RNF144A: variants seen among roughly 807,000 people sequenced by gnomAD.
The protein encoded by RNF144A is E3 ubiquitin-protein ligase RNF144A.
In RNF144A, 11 loss-of-function variants were observed where a neutral mutation model predicts 38.7. The ratio of observed to expected loss-of-function variants is 0.28; its 90% CI spans 0.18 to 0.47. The LOEUF is 0.47. Ranked by LOEUF, RNF144A falls within the 20% of genes least tolerant of loss-of-function variation. RNF144A has a pLI of 0.99. For synonymous variants in RNF144A, 149 were observed against 143.9 expected, an observed-to-expected ratio of 1.04 and a Z score of -0.25; for missense variants, 316 against 377.2, an observed-to-expected ratio of 0.84 and a Z score of 1.34.
At position 6,952,179 on chromosome 2, in the gene RNF144A, GT is replaced by G. The variant is rs758647251; in HGVS notation, c.-12+11039del. ...TTAAGAGGACCATATGGTTCTCACT[GT>G]TTTTTTATGTTCTGTTACGCTTACA... On this transcript the variant is annotated intron_variant, in intron 2 of 8. Coordinates refer to ENST00000320892, the MANE Select transcript of RNF144A (RefSeq NM_014746.6). 3.9e-5 allele frequency among the ~76,000 whole-genome samples: 6 copies of G among 151,996 alleles called. No individual in the cohort carries two copies. In the East Asian group the frequency reaches 9.6e-4, roughly 24 times the overall value.
rs1228010713 is a variant in RNF144A at position 7,030,185 on chromosome 2, C to T, written c.717C>T (p.Ser239=). 4 of 1,613,640 alleles carry T rather than the reference C, an allele frequency of 2.5e-6. No homozygotes were observed. The highest frequency in any genetic ancestry group is 3.4e-6 in the Non-Finnish European group (4 of 1,179,786). The stretch of plus-strand genomic sequence containing the variant: ...CCTGCCGGAACAAGCTGGGCCACTC[C>T]CGGGCATCTGTGATCTGGCATCGGA... ...KGPCRNKLGH[S]RASVIWHRTQ... is the part of the protein sequence containing the mutation. The change falls in exon 8 of 9, where the codon TCC becomes TCT. Residue 239 remains serine, a synonymous_variant. Coordinates refer to ENST00000320892, the MANE Select transcript of RNF144A (RefSeq NM_014746.6).
chr2:7,011,301 A>G (rs1210737222), intron 3 of RNF144A, among the ~76,000 whole-genome samples: 1 of 152,182 alleles, frequency 6.6e-6, no homozygotes, highest in African/African-American at 2.4e-5. Flanking sequence ...CTTACTAACA[A>G]TCCCTGATAT....
At chr2:6,970,341 C>G (rs1325534264) in intron 2 of RNF144A, among the ~76,000 whole-genome samples, 1 of 152,192 alleles carries the variant, frequency 6.6e-6, no homozygotes, top group East Asian at 1.9e-4. Context: ...CACAAGCCCT[C>G]TCTCTCTTTG....
At chr2:6,979,719 G>T (rs1262936004) in intron 2 of RNF144A, among the ~76,000 whole-genome samples, 2 of 152,170 alleles carry the variant, frequency 1.3e-5, no homozygotes, top group Non-Finnish European at 2.9e-5. Flanking sequence ...GAGAGACTTA[G>T]GTTTAAGTTC....
At chr2:7,031,632 C>T (rs1672307111) in intron 8 of RNF144A, among the ~76,000 whole-genome samples, 1 of 152,250 alleles carries the variant, frequency 6.6e-6, no homozygotes, top group Admixed American at 6.5e-5. Context: ...CTCTGAGGCA[C>T]ATGTGTCAGC....
chr2:6,996,868 G>A, intron 2 of RNF144A, 48 bp from the exon 3 acceptor site: 1 of 1,591,286 alleles, frequency 6.3e-7, no homozygotes, highest in Non-Finnish European at 8.6e-7. Context: ...GGAGCAGGTG[G>A]ATGCCAGGGG....
chr2:7,072,970 T>TCC (rs2103487143), downstream of RNF144A, among the ~76,000 whole-genome samples: 1 of 152,298 alleles, frequency 6.6e-6, no homozygotes, highest in African/African-American at 2.4e-5. Context: ...CCTCATGGCT[T>TCC]CCTGTCCTTC....
At chr2:6,960,098 G>A (rs898298855) in intron 2 of RNF144A, among the ~76,000 whole-genome samples, 2 of 152,344 alleles carry the variant, frequency 1.3e-5, no homozygotes, top group African/African-American at 2.4e-5. Context: ...GTATCCAGGA[G>A]GATATTTCAT....
At chr2:7,024,554 CT>C in intron 7 of RNF144A, 38 bp downstream of exon 7, 1 of 1,576,038 alleles carries the variant, frequency 6.3e-7, no homozygotes, top group South Asian at 1.1e-5. Flanking sequence ...CGGCATTTAG[CT>C]TTGAGGTTTA....
At chr2:6,970,358 G>A (rs1401055592) in intron 2 of RNF144A, among the ~76,000 whole-genome samples, 1 of 152,144 alleles carries the variant, frequency 6.6e-6, no homozygotes, top group Non-Finnish European at 1.5e-5. Flanking sequence ...TTTGCCTGCT[G>A]CCATCCACGT....
At chr2:7,027,500 G>A (rs780746121) in intron 7 of RNF144A, among the ~76,000 whole-genome samples, 8 of 152,340 alleles carry the variant, frequency 5.3e-5, no homozygotes, top group Non-Finnish European at 8.8e-5. Flanking sequence ...TAGTGAGGAA[G>A]GGAATCAGCC....
chr2:7,027,967 G>T (rs1422222280), intron 7 of RNF144A, among the ~76,000 whole-genome samples: 1 of 136,038 alleles, frequency 7.4e-6, no homozygotes, highest in East Asian at 2.6e-4. Context: ...ATGCGGGTCT[G>T]GTGAGATGAG....
intron 2 of RNF144A, among the ~76,000 whole-genome samples, chr2:6,985,855 T>C (rs1221214481): frequency 1.3e-5 from 2 of 152,132 alleles, no homozygotes; most frequent in African/African-American, 4.8e-5. Context: ...TTTGTATTTT[T>C]AGTAGAGGCG....
At chr2:6,964,794 G>A (rs1411412745) in intron 2 of RNF144A, among the ~76,000 whole-genome samples, 2 of 151,588 alleles carry the variant, frequency 1.3e-5, no homozygotes, top group East Asian at 3.9e-4. Context: ...CACAGGAAGG[G>A]GAACATCACA....
At chr2:7,046,195 T>G (rs1460081314), downstream of RNF144A, among the ~76,000 whole-genome samples, 1 of 152,178 alleles carries the variant, frequency 6.6e-6, no homozygotes, top group Non-Finnish European at 1.5e-5. Context: ...TGTCCATTAC[T>G]CAGCTCAGCT....
At chr2:7,010,828 G>T (rs1670747774) in intron 3 of RNF144A, among the ~76,000 whole-genome samples, 1 of 152,056 alleles carries the variant, frequency 6.6e-6, no homozygotes, top group African/African-American at 2.4e-5. Context: ...CCCTGTAGTG[G>T]CCCATTAGAG....
intron 8 of RNF144A, among the ~76,000 whole-genome samples, chr2:7,037,676 C>T (rs999744494): frequency 6.6e-6 from 1 of 152,178 alleles, no homozygotes; most frequent in Non-Finnish European, 1.5e-5. Flanking sequence ...CACGTATGCA[C>T]GTACGTGTGC....
chr2:6,990,546 TAG>T (rs375634759), intron 2 of RNF144A, among the ~76,000 whole-genome samples: 6 of 132,738 alleles, frequency 4.5e-5, no homozygotes, highest in South Asian at 4.7e-4. Context: ...TGTATATATA[TAG>T]AGAGAGAGAT....
At chr2:6,989,572 A>G (rs527427726) in intron 2 of RNF144A, among the ~76,000 whole-genome samples, 9 of 152,142 alleles carry the variant, frequency 5.9e-5, no homozygotes, top group African/African-American at 1.7e-4. Context: ...ATTCCATCCT[A>G]CCATGCCCCT....
Sources: allele counts gnomAD v4.1 joint callset (sites outside exome capture counted in the v4.1 genomes callset), GRCh38; gene constraint gnomAD v4.1.1; transcripts MANE v1.5; gene names NCBI Gene and HGNC (gene_info 2026-07-23, HGNC 2026-07-21).